PDE4D: variants seen among roughly 807,000 people sequenced by gnomAD.
PDE4D encodes 3',5'-cyclic-AMP phosphodiesterase 4D.
In PDE4D, 24 loss-of-function variants were observed where a neutral mutation model predicts 87.4. That is an observed-to-expected ratio of 0.27 (90% confidence interval 0.20 to 0.39). The LOEUF is 0.39. PDE4D is among the 10% of genes least tolerant of loss of function. The probability of loss-of-function intolerance (pLI) is 1.00; values close to 1 mark genes in which losing one functional copy is unlikely to be tolerated. For missense variants in PDE4D, 714 were observed against 1,041.0 expected, an observed-to-expected ratio of 0.69 and a Z score of 4.32; for synonymous variants, 384 against 383.2, an observed-to-expected ratio of 1.00 and a Z score of -0.02.
chr5:59,905,363 A>T lies in PDE4D; in HGVS notation c.272+83125T>A, dbSNP rs369324350. ...ATGTGGACTAATTGGCCAATTATAA[A>T]CCACAGATTGGACTAATTGACCCAG... On this transcript the variant is annotated intron_variant, in intron 3 of 16. Coordinates refer to the PDE4D transcript ENST00000502484. Among the ~76,000 whole-genome samples the T allele has an allele frequency of 1.9e-3, 286 of 152,274 alleles. 1 individual carries two copies. Among genetic ancestry groups the T allele is most frequent in the Middle Eastern group, 0.017 (5 of 294 alleles).
chr5:59,174,334 G>T (rs61153859), intron 5 of PDE4D: 35,966 of 151,540 alleles, frequency 0.24, 4,507 homozygotes, highest in African/African-American at 0.28. Context: ...AATACAAAAA[G>T]GAATGAAGAC....
chr5:59,089,636 G>T (rs1768336843), intron 5 of PDE4D, among the ~76,000 whole-genome samples: 1 of 152,060 alleles, frequency 6.6e-6, no homozygotes, highest in South Asian at 2.1e-4. Flanking sequence ...AAAACAGGCA[G>T]TCTGTACTCC....
At chr5:60,409,195 C>T (rs1012942652) in intron 1 of PDE4D, among the ~76,000 whole-genome samples, 2 of 152,056 alleles carry the variant, frequency 1.3e-5, no homozygotes, top group African/African-American at 2.4e-5. Flanking sequence ...CAGAAAAGAT[C>T]CAGGAAAATC....
intron 5 of PDE4D, among the ~76,000 whole-genome samples, chr5:59,051,359 C>G (rs1193405204): frequency 6.6e-6 from 1 of 152,142 alleles, no homozygotes; most frequent in Admixed American, 6.5e-5. Flanking sequence ...GACTCTGTCT[C>G]AAAAACAAAC....
chr5:59,482,145 T>C (rs1304889473), intron 1 of PDE4D, among the ~76,000 whole-genome samples: 2 of 152,148 alleles, frequency 1.3e-5, no homozygotes, highest in Non-Finnish European at 2.9e-5. Flanking sequence ...TTAACATTCA[T>C]ACCCTCTCCA....
chr5:59,525,106 C>T (rs1223454389), intron 1 of PDE4D, among the ~76,000 whole-genome samples: 1 of 152,204 alleles, frequency 6.6e-6, no homozygotes, highest in Non-Finnish European at 1.5e-5. Flanking sequence ...GGCAACCATC[C>T]TCCAGACCCC....
chr5:59,315,608 A>G (rs1239524853), intron 1 of PDE4D, among the ~76,000 whole-genome samples: 2 of 152,082 alleles, frequency 1.3e-5, no homozygotes, highest in East Asian at 3.9e-4. Flanking sequence ...CATGGCTGGC[A>G]CCAGGGAGGG....
intron 5 of PDE4D, among the ~76,000 whole-genome samples, chr5:59,069,263 G>C (rs1360729010): frequency 6.6e-6 from 1 of 152,148 alleles, no homozygotes; most frequent in Non-Finnish European, 1.5e-5. Context: ...TTGTCAGCAT[G>C]AAGAGACTTG....
chr5:60,314,118 G>A (rs1755304706), intron 1 of PDE4D, among the ~76,000 whole-genome samples: 1 of 151,686 alleles, frequency 6.6e-6, no homozygotes, highest in African/African-American at 2.4e-5. Flanking sequence ...AAAAATAAAA[G>A]GCATCCAAAT....
rs373053388 is a variant in PDE4D at position 60,380,648 on chromosome 5, ATTGT to A, written c.-90+107290_-90+107293del. On this transcript the variant is annotated intron_variant, in intron 1 of 16. Coordinates refer to the PDE4D transcript ENST00000502484. ...TTTAGCAAGTGATACCAATTTGGAG[ATTGT>A]TTGTTAGCGCAGCGTAACATCCTAA... is the stretch of plus-strand genomic sequence containing the variant. Among the ~76,000 whole-genome samples, 14 of 152,306 alleles carry A rather than the reference ATTGT, an allele frequency of 9.2e-5. No individual in the cohort carries two copies. In the South Asian group the frequency reaches 2.9e-3, roughly 32 times the overall value.
chr5:60,009,107 G>GTT (rs1764766274), intron 2 of PDE4D, among the ~76,000 whole-genome samples: 1 of 152,008 alleles, frequency 6.6e-6, no homozygotes, highest in African/African-American at 2.4e-5. Context: ...GCATTCAGCT[G>GTT]TTACTCTGCC....
intron 5 of PDE4D, among the ~76,000 whole-genome samples, chr5:59,152,132 T>A (rs1398304617): frequency 6.6e-6 from 1 of 152,150 alleles, no homozygotes; most frequent in South Asian, 2.1e-4. Context: ...ATGGGACATA[T>A]CCCTAAATTC....
At chr5:60,375,353 T>C (rs915796609) in intron 1 of PDE4D, among the ~76,000 whole-genome samples, 20 of 152,232 alleles carry the variant, frequency 1.3e-4, no homozygotes, top group African/African-American at 4.3e-4. Flanking sequence ...CTTTTTGGCA[T>C]GCCTTATTTG....
intron 1 of PDE4D, among the ~76,000 whole-genome samples, chr5:59,297,012 T>C (rs1214158628): frequency 5.3e-5 from 8 of 152,174 alleles, no homozygotes; most frequent in Non-Finnish European, 1.0e-4. Flanking sequence ...AACACAGGGC[T>C]CACTGTAATT....
chr5:59,944,696 C>T (rs1160078339), intron 3 of PDE4D, among the ~76,000 whole-genome samples: 1 of 152,142 alleles, frequency 6.6e-6, no homozygotes. Context: ...TTTAAACAAC[C>T]CAGTGCAATT....
At chr5:59,611,315 C>T (rs1828976844) in intron 1 of PDE4D, among the ~76,000 whole-genome samples, 2 of 152,050 alleles carry the variant, frequency 1.3e-5, no homozygotes. Flanking sequence ...TTGTAAGAAC[C>T]CTGCCCTCAT....
chr5:60,359,048 G>T (rs536885245), intron 1 of PDE4D, among the ~76,000 whole-genome samples: 16 of 152,156 alleles, frequency 1.1e-4, no homozygotes, highest in Non-Finnish European at 2.1e-4. Context: ...GTCTTCAGGT[G>T]GCTTCCATTC....
intron 1 of PDE4D, among the ~76,000 whole-genome samples, chr5:60,224,618 A>G (rs7442640): frequency 0.15 from 22,940 of 152,098 alleles, 1,887 homozygotes; most frequent in Admixed American, 0.16. Flanking sequence ...GCTCTCCAGC[A>G]GCATGGTCAG....
intron 1 of PDE4D, among the ~76,000 whole-genome samples, chr5:59,620,726 A>G (rs534240546): frequency 6.6e-6 from 1 of 152,326 alleles, no homozygotes; most frequent in Admixed American, 6.5e-5. Context: ...TTAAAAGTAC[A>G]AAGATTGAGA....
Sources: gnomAD v4.1 joint callset for allele counts (sites outside exome capture counted in the v4.1 genomes callset) on GRCh38, gnomAD v4.1.1 for gene constraint, MANE v1.5 for transcripts, NCBI Gene and HGNC (gene_info 2026-07-23, HGNC 2026-07-21) for gene names.